TNFRSF19: variants seen among roughly 807,000 people sequenced by gnomAD.
TNFRSF19 encodes the protein tumor necrosis factor receptor superfamily member 19.
TNFRSF19 carries 27 observed loss-of-function variants against 46.4 expected under a neutral mutation model. The observed-to-expected ratio is 0.58, with a 90% CI of 0.43 to 0.80. The LOEUF (loss-of-function observed/expected upper bound fraction) is 0.80, where lower values mean the gene tolerates loss of function less well. Among genes scored for constraint, TNFRSF19 ranks in the 30% least tolerant of loss-of-function variants. The pLI is 0.00. For synonymous variants in TNFRSF19, 204 were observed against 205.0 expected (o/e 1.00, Z 0.04); for missense variants, 511 against 530.8 (o/e 0.96, Z 0.37).
chr13:23,634,269 T>C (rs990131283), intron 5 of TNFRSF19, among the ~76,000 whole-genome samples: 1 of 152,242 alleles, frequency 6.6e-6, no homozygotes, highest in Non-Finnish European at 1.5e-5. Flanking sequence ...GGAGCTGCTC[T>C]TCAAAGTCGC....
chr13:23,625,326 C>CTTTT (rs67965421), intron 4 of TNFRSF19, among the ~76,000 whole-genome samples: 48 of 107,300 alleles, frequency 4.5e-4, no homozygotes, highest in Non-Finnish European at 5.4e-4. Context: ...TGATTGTATT[C>CTTTT]TTTTTTTTTT....
chr13:23,584,047 T>TG (rs1878649846), intron 1 of TNFRSF19, among the ~76,000 whole-genome samples: 1 of 152,200 alleles, frequency 6.6e-6, no homozygotes, highest in African/African-American at 2.4e-5. Context: ...TAGGTTATTT[T>TG]TTGTTGTTGT....
rs545674741 is a variant in TNFRSF19 at position 23,621,702 on chromosome 13, G to T, written c.360-5005G>T. 1.2e-3 allele frequency among the ~76,000 whole-genome samples: 182 copies of T among 152,138 alleles called. 1 individual carries two copies. The highest frequency in any genetic ancestry group is 4.1e-3 in the African/African-American group (171 of 41,486). ...GTTCAGTTAAAAATTCCTCTTCATT[G>T]GGAGGCTGAGGCAGGTGGATCGCTT... On this transcript the variant is annotated intron_variant, in intron 4 of 9. Coordinates refer to ENST00000248484, the MANE Select transcript of TNFRSF19 (RefSeq NM_148957.4).
rs555396578 is a variant in TNFRSF19, at chr13:23,571,234, C to T, written c.-35+386C>T. ...TTAGTAAACAGTCAGTGCAACTTTG[C>T]TTGTTGAAAATGCTTTCTTTGTTTT... On this transcript the variant is annotated intron_variant, in intron 1 of 9. Transcript: ENST00000248484. Among the ~76,000 whole-genome samples the T allele has an allele frequency of 6.6e-5, 10 of 152,304 alleles. No individual in the cohort carries two copies. In the South Asian group the frequency reaches 2.1e-3, roughly 32 times the overall value.
chr13:23,593,465 A>G lies in TNFRSF19; in HGVS notation c.180+10A>G, dbSNP rs774823922. On this transcript the variant is annotated intron_variant, in intron 3 of 9. Transcript: ENST00000248484. ...CATGGAGTTGTCTAAGGTATATTGGATACATGGCAAAGTTGTGTATCTGTG... is the reference window on the plus strand; with the variant it reads ...CATGGAGTTGTCTAAGGTATATTGGGTACATGGCAAAGTTGTGTATCTGTG... 1.3e-6 allele frequency: 2 copies of G among 1,562,360 alleles called. No individual in the cohort carries two copies. The highest frequency in any genetic ancestry group is 4.5e-5 in the East Asian group (2 of 44,132).
intron 3 of TNFRSF19, among the ~76,000 whole-genome samples, chr13:23,602,069 A>C (rs1880198628): frequency 6.6e-6 from 1 of 152,196 alleles, no homozygotes. Context: ...GTACCAATTT[A>C]TAAACATTAT....
At chr13:23,579,734 G>A (rs1031310885) in intron 1 of TNFRSF19, among the ~76,000 whole-genome samples, 1 of 151,768 alleles carries the variant, frequency 6.6e-6, no homozygotes, top group African/African-American at 2.4e-5. Flanking sequence ...CGTGACAGGC[G>A]GCGAGGCGGT....
chr13:23,608,316 C>T (rs1391425728), intron 3 of TNFRSF19, among the ~76,000 whole-genome samples: 1 of 152,208 alleles, frequency 6.6e-6, no homozygotes, highest in Non-Finnish European at 1.5e-5. Context: ...TCTTGTAATA[C>T]ATATTATGCA....
chr13:23,609,009 G>C (rs1461739836), intron 3 of TNFRSF19, among the ~76,000 whole-genome samples: 1 of 152,124 alleles, frequency 6.6e-6, no homozygotes, highest in Non-Finnish European at 1.5e-5. Context: ...GGCGCCTCTC[G>C]CTAGTTCCTT....
intron 3 of TNFRSF19, among the ~76,000 whole-genome samples, chr13:23,607,059 C>CT (rs1880557326): frequency 6.6e-6 from 1 of 152,140 alleles, no homozygotes; most frequent in Non-Finnish European, 1.5e-5. Flanking sequence ...AAAATTTAGT[C>CT]TTTTGACTAA....
chr13:23,608,755 A>G (rs532757102), intron 3 of TNFRSF19, among the ~76,000 whole-genome samples: 7 of 152,364 alleles, frequency 4.6e-5, no homozygotes, highest in African/African-American at 1.7e-4. Context: ...ATTGGACAGT[A>G]CAGCTCTAGA....
At chr13:23,647,785 T>C (rs1163900881) in intron 5 of TNFRSF19, among the ~76,000 whole-genome samples, 1 of 152,228 alleles carries the variant, frequency 6.6e-6, no homozygotes, top group Non-Finnish European at 1.5e-5. Context: ...TTCAACTTCA[T>C]TCTTTTGCAG....
At chr13:23,609,094 A>G (rs1221296375) in intron 3 of TNFRSF19, among the ~76,000 whole-genome samples, 1 of 152,152 alleles carries the variant, frequency 6.6e-6, no homozygotes, top group Non-Finnish European at 1.5e-5. Flanking sequence ...CTTAATACAT[A>G]GTTATCTTTC....
chr13:23,571,738 A>G (rs984780962), intron 1 of TNFRSF19, among the ~76,000 whole-genome samples: 25 of 152,074 alleles, frequency 1.6e-4, no homozygotes, highest in Admixed American at 1.2e-3. Context: ...CCGAATTTGA[A>G]AGTTAACTGT....
In TNFRSF19 at chr13:23,595,643, C is replaced by T. The variant is rs564086618; in HGVS notation, c.180+2188C>T. Among the ~76,000 whole-genome samples, 4 of 152,266 alleles carry T rather than the reference C, an allele frequency of 2.6e-5. No individual in the cohort carries two copies. The South Asian group carries it at 8.3e-4, about 32-fold the overall frequency. On this transcript the variant is annotated intron_variant, in intron 3 of 9. Transcript: ENST00000248484. ...CCAAACCTACATTTTATTGGTGTCC[C>T]TGAAAGTGACGGGGAGAATGGAACC... is the stretch of plus-strand genomic sequence containing the variant.
chr13:23,609,356 A>G (rs180787221), intron 3 of TNFRSF19, among the ~76,000 whole-genome samples: 2 of 152,290 alleles, frequency 1.3e-5, no homozygotes, highest in East Asian at 3.9e-4. Context: ...CTCGGCCATC[A>G]GGCATCCTTT....
At chr13:23,579,022 C>A (rs1011623820) in intron 1 of TNFRSF19, among the ~76,000 whole-genome samples, 2 of 152,354 alleles carry the variant, frequency 1.3e-5, no homozygotes, top group Admixed American at 1.3e-4. Flanking sequence ...GGATGCGGGC[C>A]CACGCGGGAA....
chr13:23,669,023 G>T lies in TNFRSF19; in HGVS notation c.1171G>T (p.Ala391Ser). 1 of 1,614,208 alleles carries T rather than the reference G, an allele frequency of 6.2e-7. No individual in the cohort carries two copies. Among genetic ancestry groups the T allele is most frequent in the Non-Finnish European group, 8.5e-7 (1 of 1,180,046 alleles). ...TLVESASTQD[A>S]LTMRSQLDQE... ...GGTAGAATCAGCATCAACTCAGGAT[G>T]CACTAACTATGAGAAGCCAGCTAGA... is the stretch of plus-strand genomic sequence containing the variant. The change falls in exon 9 of 10, where the codon GCA becomes TCA. Residue 391 changes from alanine to serine, a missense_variant. Ala to Ser is a moderately conservative substitution (Grantham distance 99, BLOSUM62 1). Around this residue, in one of 3 missense-constraint regions of TNFRSF19, gnomAD observed 376 missense variants for 372.7 expected, o/e 1.01. Coordinates refer to ENST00000248484, the MANE Select transcript of TNFRSF19 (RefSeq NM_148957.4).
intron 5 of TNFRSF19, among the ~76,000 whole-genome samples, chr13:23,654,167 G>A (rs1344593415): frequency 6.6e-6 from 1 of 152,198 alleles, no homozygotes; most frequent in African/African-American, 2.4e-5. Flanking sequence ...TCTCCAGGAA[G>A]AAGGATGTTT....
Sources: allele counts gnomAD v4.1 joint callset (sites outside exome capture counted in the v4.1 genomes callset), GRCh38; gene constraint gnomAD v4.1.1; regional missense constraint gnomAD v4.1.1; transcripts MANE v1.5; gene names NCBI Gene and HGNC (gene_info 2026-07-23, HGNC 2026-07-21).